The following RDH13 variants were observed in gnomAD, a reference collection of about 807,000 sequenced individuals.
RDH13 encodes retinol dehydrogenase 13 (all-trans and 9-cis).
Under a neutral mutation model 28.3 loss-of-function variants are expected in RDH13, and 35 were observed. That is an observed-to-expected ratio of 1.24 (90% confidence interval 0.95 to 1.64). The LOEUF is 1.64. Ranked by LOEUF, RDH13 falls within the 40% of genes most tolerant of loss-of-function variation. RDH13 has a pLI of 0.00. For missense variants in RDH13, 514 were observed against 446.3 expected, an observed-to-expected ratio of 1.15 and a Z score of -1.37; for synonymous variants, 229 against 198.5, an observed-to-expected ratio of 1.15 and a Z score of -1.29.
upstream of RDH13, chr19:55,063,200 G>A (rs1376643660): frequency 2.0e-6 from 1 of 497,258 alleles, no homozygotes; most frequent in Non-Finnish European, 3.3e-6. Context: ...CGGGGCGCGG[G>A]CGGAGGGGGC....
rs751125293 is a variant in RDH13, at chr19:55,048,240, G to A, written c.658+89C>T. The A allele has an allele frequency of 4.6e-5, 72 of 1,579,846 alleles. 1 individual carries two copies. The highest frequency in any genetic ancestry group is 5.7e-5 in the Non-Finnish European group (66 of 1,166,804). On this transcript the variant is annotated intron_variant, in intron 5 of 6. Coordinates refer to ENST00000415061, the MANE Select transcript of RDH13 (RefSeq NM_001145971.2). ...TTGCTGACTCTGTTCTGGATCCACC[G>A]TTTGGCCTCCCATCAGCCTAGGATC...
chr19:55,068,005 GCT>G (rs1446860768), upstream of RDH13, among the ~76,000 whole-genome samples: 2 of 137,876 alleles, frequency 1.5e-5, no homozygotes, highest in Non-Finnish European at 3.0e-5. Context: ...CTCTCTCATT[GCT>G]CTCTCCCTCT....
At chr19:55,058,828 C>G (rs938827901) in intron 2 of RDH13, among the ~76,000 whole-genome samples, 2 of 152,258 alleles carry the variant, frequency 1.3e-5, no homozygotes, top group Non-Finnish European at 2.9e-5. Context: ...CTACAGGTGC[C>G]CACCACAACT....
At chr19:55,049,964 C>CT (rs142472234) in intron 3 of RDH13, among the ~76,000 whole-genome samples, 7,358 of 141,902 alleles carry the variant, frequency 0.052, 563 homozygotes, top group African/African-American at 0.17. Context: ...GGAGCTGTCT[C>CT]TTTTTTTTTT....
At chr19:55,065,709 G>A (rs893983605), upstream of RDH13, among the ~76,000 whole-genome samples, 1 of 151,650 alleles carries the variant, frequency 6.6e-6, no homozygotes, top group East Asian at 2.0e-4. Flanking sequence ...ATAAAAATAA[G>A]CAGTGCGCCA....
At chr19:55,060,533 C>G (rs1025536925) in intron 1 of RDH13, among the ~76,000 whole-genome samples, 2 of 152,212 alleles carry the variant, frequency 1.3e-5, no homozygotes, top group Non-Finnish European at 2.9e-5. Context: ...TGAGGGAACT[C>G]AGAGGCCGGT....
chr19:55,052,096 G>C (rs1427241723), intron 3 of RDH13, among the ~76,000 whole-genome samples: 1 of 141,746 alleles, frequency 7.1e-6, no homozygotes, highest in African/African-American at 2.8e-5. Context: ...TGGACACAGG[G>C]TCTCACCCCG....
upstream of RDH13, chr19:55,063,228 G>C: frequency 4.5e-6 from 2 of 447,446 alleles, no homozygotes; most frequent in Non-Finnish European, 7.7e-6. Flanking sequence ...CTAGGGACGG[G>C]ACCTATGAGC....
At chr19:55,058,222 G>A (rs1242021605) in intron 2 of RDH13, among the ~76,000 whole-genome samples, 1 of 151,754 alleles carries the variant, frequency 6.6e-6, no homozygotes, top group African/African-American at 2.4e-5. Flanking sequence ...GACCAGCCTG[G>A]CCAACACATT....
intron 3 of RDH13, among the ~76,000 whole-genome samples, chr19:55,053,490 GTAAAAAATA>G (rs2075526071): frequency 6.6e-6 from 1 of 151,412 alleles, no homozygotes; most frequent in Admixed American, 6.6e-5. Flanking sequence ...CCCGTCTCTA[GTAAAAAATA>G]TAAAAAATTA....
chr19:55,057,986 G>A (rs1342830251), intron 2 of RDH13, among the ~76,000 whole-genome samples: 4 of 151,728 alleles, frequency 2.6e-5, no homozygotes, highest in East Asian at 3.9e-4. Context: ...ATGGTGTCCA[G>A]GCTGGTCTGG....
Position 55,047,366 on chromosome 19 carries a change from C to T in RDH13, c.760+21G>A, listed in dbSNP as rs767954456. On this transcript the variant is annotated intron_variant, in intron 6 of 6. Transcript: ENST00000415061. ...GGGTGGAGGGCTCCACGTGGAGACCCCAGGCTGGGAGGGGACTCACCGAGT... is the reference window on the plus strand; with the variant it reads ...GGGTGGAGGGCTCCACGTGGAGACCTCAGGCTGGGAGGGGACTCACCGAGT... 8.7e-6 allele frequency: 14 copies of T among 1,607,710 alleles called. No homozygotes were observed. The East Asian group carries it at 8.9e-5, about 10-fold the overall frequency.
At chr19:55,042,310 A>C (rs999383551), downstream of RDH13, 1 of 152,140 alleles carries the variant, frequency 6.6e-6, no homozygotes, top group Non-Finnish European at 1.5e-5. Context: ...GCCATCGCAC[A>C]TGTATATGGG....
chr19:55,064,399 G>A (rs1001955088), upstream of RDH13: 18 of 146,948 alleles, frequency 1.2e-4, no homozygotes, highest in Admixed American at 1.2e-3. Flanking sequence ...CCAGCCTGGC[G>A]ACAGAGTGAA....
At position 55,044,919 on chromosome 19, in the gene RDH13, A is replaced by G. The variant is rs1376564005; in HGVS notation, c.*155T>C. The G allele has an allele frequency of 9.8e-6, 6 of 609,294 alleles. No individual in the cohort carries two copies. Among genetic ancestry groups the G allele is most frequent in the African/African-American group, 1.9e-5 (1 of 53,982 alleles). The allele number at this position is 609,294 out of a possible 1,614,324, so 37.7% of individuals were successfully genotyped here. ...GCAGTGCTCACCTGCAGGCCAGTCC[A>G]CTGCGGCCAGCACCGCCCCCTAGAA... is the stretch of plus-strand genomic sequence containing the variant. On this transcript the variant is annotated 3_prime_UTR_variant, in exon 7 of 7. Transcript: ENST00000415061.
chr19:55,069,394 A>C (rs569547398), exon 1 of RDH13: 1 of 152,280 alleles, frequency 6.6e-6, no homozygotes, highest in African/African-American at 2.4e-5. Flanking sequence ...CTCGTCGTAC[A>C]CTTAGAGCTG....
chr19:55,039,778 G>A (rs1426021820), downstream of RDH13: 1 of 152,146 alleles, frequency 6.6e-6, no homozygotes, highest in African/African-American at 2.4e-5. Flanking sequence ...CGCGGAAGTT[G>A]CGGTGAGCCG....
intron 2 of RDH13, among the ~76,000 whole-genome samples, chr19:55,058,138 A>G (rs1173798356): frequency 6.6e-6 from 1 of 151,902 alleles, no homozygotes; most frequent in African/African-American, 2.4e-5. Context: ...TGGGCCGGGC[A>G]TGGTGGCTCA....
intron 3 of RDH13, among the ~76,000 whole-genome samples, chr19:55,052,850 C>G (rs1453634860): frequency 6.6e-6 from 1 of 151,814 alleles, no homozygotes; most frequent in Non-Finnish European, 1.5e-5. Flanking sequence ...TCTTAGTAGA[C>G]ACGGGGTTTC....
Sources: gnomAD v4.1 joint callset for allele counts (sites outside exome capture counted in the v4.1 genomes callset) on GRCh38, gnomAD v4.1.1 for gene constraint, MANE v1.5 for transcripts, NCBI Gene and HGNC (gene_info 2026-07-23, HGNC 2026-07-21) for gene names.